The following ARL15 variants were observed in gnomAD, a reference collection of about 807,000 sequenced individuals.
The protein encoded by ARL15 is ADP-ribosylation factor-like protein 15.
A neutral mutation model predicts 25.2 loss-of-function variants in ARL15; 19 were observed. The ratio of observed to expected loss-of-function variants is 0.75; its 90% CI spans 0.53 to 1.10. The LOEUF (loss-of-function observed/expected upper bound fraction) is 1.10. Among genes scored for constraint, ARL15 ranks in the 50% least tolerant of loss-of-function variants. The pLI, the probability that ARL15 is intolerant of heterozygous loss-of-function variation, is 0.00. For synonymous variants in ARL15, 94 were observed against 86.8 expected (o/e 1.08, Z -0.46); for missense variants, 220 against 246.0 (o/e 0.89, Z 0.71).
chr5:54,066,397 A>G (rs1438922307), intron 4 of ARL15, among the ~76,000 whole-genome samples: 1 of 152,244 alleles, frequency 6.6e-6, no homozygotes, highest in Non-Finnish European at 1.5e-5. Context: ...GCTAAATCTG[A>G]TACCTAGTTA....
intron 4 of ARL15, among the ~76,000 whole-genome samples, chr5:54,023,609 C>T (rs561201942): frequency 5.3e-5 from 8 of 152,114 alleles, no homozygotes; most frequent in Middle Eastern, 3.4e-3. Context: ...CAAAATATGG[C>T]GCTTTGATGT....
At chr5:54,274,322 T>G (rs1351669006) in intron 1 of ARL15, among the ~76,000 whole-genome samples, 1 of 152,194 alleles carries the variant, frequency 6.6e-6, no homozygotes, top group Non-Finnish European at 1.5e-5. Context: ...GGATACATTC[T>G]GCATTCCCCA....
At chr5:54,220,519 A>G (rs1756343862) in intron 1 of ARL15, among the ~76,000 whole-genome samples, 1 of 152,238 alleles carries the variant, frequency 6.6e-6, no homozygotes, top group Non-Finnish European at 1.5e-5. Flanking sequence ...CTGGCATTAA[A>G]TGCAGCTATT....
intron 4 of ARL15, among the ~76,000 whole-genome samples, chr5:53,946,114 T>G (rs1011497612): frequency 1.3e-5 from 2 of 152,232 alleles, no homozygotes; most frequent in African/African-American, 2.4e-5. Flanking sequence ...CTGTAAAGAT[T>G]AAAAGTCTTA....
At chr5:54,199,746 G>A (rs1755657475) in intron 1 of ARL15, among the ~76,000 whole-genome samples, 1 of 147,522 alleles carries the variant, frequency 6.8e-6, no homozygotes, top group African/African-American at 2.5e-5. Flanking sequence ...CGATTCCTCA[G>A]GGATCTAGAA....
rs138973933 is a variant in ARL15 at position 54,254,809 on chromosome 5, T to A, written c.48+55623A>T. ...GGGATAAATGTTATCACAAAATTGT[T>A]TACCTAAAGTTTAATAGGAACTTAT... is the stretch of plus-strand genomic sequence containing the variant. On this transcript the variant is annotated intron_variant, in intron 1 of 4. Transcript: ENST00000504924. Among the ~76,000 whole-genome samples the A allele has an allele frequency of 2.6e-5, 4 of 152,368 alleles. No individual in the cohort carries two copies. In the East Asian group the frequency reaches 7.7e-4, roughly 29 times the overall value.
Position 54,128,794 on chromosome 5 carries a change from C to T in ARL15, c.254-15384G>A, listed in dbSNP as rs557669767. 1.1e-4 allele frequency among the ~76,000 whole-genome samples: 16 copies of T among 151,840 alleles called. No homozygotes were observed. The South Asian group carries it at 3.3e-3, about 32-fold the overall frequency. On this transcript the variant is annotated intron_variant, in intron 3 of 4. Coordinates refer to ENST00000504924, the MANE Select transcript of ARL15 (RefSeq NM_019087.3). ...AATCTCAGCGCACTACAACCTCCAC[C>T]TCCCAGGTTCAAGTGATTCTCCTGC... is the stretch of plus-strand genomic sequence containing the variant.
intron 1 of ARL15, among the ~76,000 whole-genome samples, chr5:54,273,071 A>G (rs1757832855): frequency 6.6e-6 from 1 of 152,226 alleles, no homozygotes; most frequent in Non-Finnish European, 1.5e-5. Context: ...CTTGATCAAA[A>G]TATTATGATT....
chr5:54,086,458 G>C (rs3776671), intron 4 of ARL15, among the ~76,000 whole-genome samples: 6,124 of 144,774 alleles, frequency 0.042, 258 homozygotes, highest in East Asian at 0.21. Context: ...TTTTTTTTAA[G>C]TATATGTGTT....
chr5:53,906,394 G>A (rs62372374), intron 4 of ARL15, among the ~76,000 whole-genome samples: 13,111 of 152,110 alleles, frequency 0.086, 695 homozygotes, highest in Non-Finnish European at 0.13. Flanking sequence ...ATGACCACTG[G>A]CCCTGTACAT....
intron 4 of ARL15, among the ~76,000 whole-genome samples, chr5:53,889,792 T>C (rs1744654254): frequency 6.6e-6 from 1 of 151,538 alleles, no homozygotes; most frequent in Non-Finnish European, 1.5e-5. Context: ...ATGAGGACTT[T>C]ATGTTCTAGT....
At chr5:54,171,214 C>T (rs148165921) in intron 2 of ARL15, among the ~76,000 whole-genome samples, 1 of 152,106 alleles carries the variant, frequency 6.6e-6, no homozygotes, top group Admixed American at 6.6e-5. Context: ...GCCAGTAATA[C>T]CCCTCCCCAC....
chr5:54,153,780 G>A (rs970650278), intron 3 of ARL15, among the ~76,000 whole-genome samples: 2 of 152,018 alleles, frequency 1.3e-5, no homozygotes, highest in Non-Finnish European at 2.9e-5. Flanking sequence ...CAATCTCATC[G>A]AGCTAAAAAT....
intron 2 of ARL15, among the ~76,000 whole-genome samples, chr5:54,166,123 T>TCA (rs1395634681): frequency 6.6e-6 from 1 of 152,132 alleles, no homozygotes; most frequent in East Asian, 1.9e-4. Context: ...ATATTCTTTA[T>TCA]CACCGGTTTT....
rs192314038 is a variant in ARL15, at chr5:53,988,787, C to T, written c.463-102074G>A. On this transcript the variant is annotated intron_variant, in intron 4 of 4. Transcript: ENST00000504924. ...CTCAATACAAGTCCAGAGGTGCTGC[C>T]GATAGATGAGTTCCCTAGAATTCTA... Among the ~76,000 whole-genome samples, 88 of 152,138 alleles carry T rather than the reference C, an allele frequency of 5.8e-4. 1 individual carries two copies. The highest frequency in any genetic ancestry group is 4.3e-3 in the Admixed American group (65 of 15,286).
At chr5:53,957,246 A>C (rs543229496) in intron 4 of ARL15, among the ~76,000 whole-genome samples, 1 of 152,216 alleles carries the variant, frequency 6.6e-6, no homozygotes, top group Non-Finnish European at 1.5e-5. Context: ...AGTGAGCTTC[A>C]ATAAGACTAA....
chr5:54,268,205 A>G (rs1424602851), intron 1 of ARL15, among the ~76,000 whole-genome samples: 5 of 151,640 alleles, frequency 3.3e-5, no homozygotes, highest in Non-Finnish European at 7.4e-5. Flanking sequence ...TTCTCGCTTC[A>G]TTTCATTCAT....
intron 1 of ARL15, among the ~76,000 whole-genome samples, chr5:54,214,245 T>C (rs1302766265): frequency 6.6e-6 from 1 of 152,210 alleles, no homozygotes; most frequent in Non-Finnish European, 1.5e-5. Flanking sequence ...GATATAACTT[T>C]GCTACAGCCA....
At chr5:54,239,000 C>A (rs920590347) in intron 1 of ARL15, among the ~76,000 whole-genome samples, 30 of 152,210 alleles carry the variant, frequency 2.0e-4, no homozygotes, top group African/African-American at 7.2e-4. Flanking sequence ...ATTAATGACT[C>A]TTCTAAGTAA....
Sources: gnomAD v4.1 joint callset for allele counts (sites outside exome capture counted in the v4.1 genomes callset) on GRCh38, gnomAD v4.1.1 for gene constraint, MANE v1.5 for transcripts, NCBI Gene and HGNC (gene_info 2026-07-23, HGNC 2026-07-21) for gene names.